The following CEP131 variants were observed in gnomAD, a reference collection of about 807,000 sequenced individuals.
The protein encoded by CEP131 is centrosomal protein 131.
In CEP131, 99 loss-of-function variants were observed where a neutral mutation model predicts 136.8. The ratio of observed to expected loss-of-function variants is 0.72; its 90% CI spans 0.62 to 0.86. The LOEUF is 0.86. Ranked by LOEUF, CEP131 falls within the 40% of genes least tolerant of loss-of-function variation. The pLI is 0.00. For synonymous variants in CEP131, 646 were observed against 612.7 expected (o/e 1.05, Z -0.80); for missense variants, 1,459 against 1,463.0 (o/e 1.00, Z 0.04).
Position 81,219,954 on chromosome 17 carries a change from T to C in CEP131, c.103A>G (p.Ser35Gly), listed in dbSNP as rs766255571. The C allele has an allele frequency of 3.2e-5, 51 of 1,612,146 alleles. No individual in the cohort carries two copies. In the South Asian group the frequency reaches 5.0e-4, roughly 16 times the overall value. ...LPPPVSRRPG[S>G]AATTKPIVRS... ...ACGATGGGCTTGGTGGTGGCGGCACTGCCAGGACGCCGGGACACAGGCGGA... is the reference window on the plus strand; with the variant it reads ...ACGATGGGCTTGGTGGTGGCGGCACCGCCAGGACGCCGGGACACAGGCGGA... The change falls in exon 2 of 26, where the codon AGT becomes GGT. Residue 35 changes from serine (S) to glycine (G), a missense_variant. By Grantham distance (56) the Ser-to-Gly change is moderately conservative. Coordinates refer to ENST00000450824, the MANE Select transcript of CEP131 (RefSeq NM_014984.4). The surrounding 1 kb of genome is among the most constrained non-coding windows in gnomAD (Gnocchi z 4.0).
chr17:81,209,129 C>T, intron 2 of CEP131, 107 bp from the exon 3 acceptor site: 1 of 834,970 alleles, frequency 1.2e-6, no homozygotes, highest in Non-Finnish European at 1.9e-6. Context: ...GAGGGGTGGC[C>T]CTAGGGTTAC....
At position 81,196,806 on chromosome 17, in the gene CEP131, C is replaced by T. The variant is rs770203079; in HGVS notation, c.1794G>A (p.Thr598=). The T allele has an allele frequency of 3.5e-5, 55 of 1,592,150 alleles. No individual in the cohort carries two copies. The highest frequency in any genetic ancestry group is 1.4e-4 in the East Asian group (6 of 43,986). ...QRALAQQRDL[T]ARRVKETEKA... Reference sequence around the variant, plus strand: ...TCTCTGTCTCCTTGACCCGCCGGGCCGTGAGGTCTCGCTGCTGCGCCTGCA... The same window carrying T: ...TCTCTGTCTCCTTGACCCGCCGGGCTGTGAGGTCTCGCTGCTGCGCCTGCA... The change falls in exon 15 of 26, where the codon ACG becomes ACA. Residue 598 remains threonine (T), a synonymous_variant. Coordinates refer to ENST00000450824, the MANE Select transcript of CEP131 (RefSeq NM_014984.4).
intron 17 of CEP131, among the ~76,000 whole-genome samples, 159 bp from the exon 18 acceptor site, chr17:81,194,286 G>A (rs947720702): frequency 6.6e-5 from 10 of 152,110 alleles, no homozygotes; most frequent in Admixed American, 2.0e-4. Context: ...TGACGCCCAC[G>A]AGGTGGGGAA....
At position 81,215,309 on chromosome 17, in the gene CEP131, C is replaced by G. The variant is rs1183655035; in HGVS notation, c.177+4571G>C. Reference sequence around the variant, plus strand: ...CAGGGGTCTCACTATGTTGCCCAGGCTGGTCTCAAACTCCTGGCCTCAAGT... The same window carrying G: ...CAGGGGTCTCACTATGTTGCCCAGGGTGGTCTCAAACTCCTGGCCTCAAGT... On this transcript the variant is annotated intron_variant, in intron 2 of 25. Coordinates refer to ENST00000450824, the MANE Select transcript of CEP131 (RefSeq NM_014984.4). The surrounding 1 kb of genome is among the most constrained non-coding windows in gnomAD (Gnocchi z 4.1). Among the ~76,000 whole-genome samples the G allele has an allele frequency of 6.6e-6, 1 of 151,836 alleles. No homozygotes were observed. The highest frequency in any genetic ancestry group is 1.5e-5 in the Non-Finnish European group (1 of 67,960).
At chr17:81,216,364 GA>G (rs901511914) in intron 2 of CEP131, among the ~76,000 whole-genome samples, 5 of 149,020 alleles carry the variant, frequency 3.4e-5, no homozygotes, top group East Asian at 2.0e-4. Context: ...TGTCTCAAAA[GA>G]AAAAAAAAAT....
At position 81,190,767 on chromosome 17, in the gene CEP131, C is replaced by T; in HGVS notation, c.2979G>A (p.Leu993=). The change falls in exon 24 of 26, where the codon CTG becomes CTA. Residue 993 remains leucine (L), a synonymous_variant. Transcript: ENST00000450824. ...CGAACTCCTGGCGGATCACCTGGGCCAGGTTGCTGCGCTCGCTAGAAAGCT... is the reference window on the plus strand; with the variant it reads ...CGAACTCCTGGCGGATCACCTGGGCTAGGTTGCTGCGCTCGCTAGAAAGCT... ...NEQLSSERSN[L]AQVIRQEFED... is the part of the protein sequence containing the mutation. The T allele has an allele frequency of 6.2e-7, 1 of 1,611,928 alleles. No homozygotes were observed. Among genetic ancestry groups the T allele is most frequent in the Non-Finnish European group, 8.5e-7 (1 of 1,179,498 alleles).
rs753478115 is a variant in CEP131 at position 81,200,351 on chromosome 17, T to A, written c.884A>T (p.His295Leu). ...GACCTCCCGCTTGGCCTGAAGCAAGTGCTCCAGGCGGGCAGCTCCTGCTCC... is the reference window on the plus strand; with the variant it reads ...GACCTCCCGCTTGGCCTGAAGCAAGAGCTCCAGGCGGGCAGCTCCTGCTCC... ...RRGAGAARLE[H>L]LLQAKREEQR... is the part of the protein sequence containing the mutation. The change falls in exon 8 of 26, where the codon CAC becomes CTC. Residue 295 changes from histidine to leucine, a missense_variant. His to Leu is a moderately conservative substitution (Grantham distance 99). Around this residue, in one of 3 missense-constraint regions of CEP131, gnomAD observed 246 missense variants for 318.9 expected, o/e 0.77. Coordinates refer to ENST00000450824, the MANE Select transcript of CEP131 (RefSeq NM_014984.4). 1 of 1,596,124 alleles carries A rather than the reference T, an allele frequency of 6.3e-7. No individual in the cohort carries two copies. The highest frequency in any genetic ancestry group is 8.5e-7 in the Non-Finnish European group (1 of 1,171,946).
intron 2 of CEP131, among the ~76,000 whole-genome samples, chr17:81,218,358 G>A (rs1159433944): frequency 6.6e-6 from 1 of 152,180 alleles, no homozygotes; most frequent in African/African-American, 2.4e-5. Flanking sequence ...CTGCGATTTC[G>A]AGTGCGTCTT....
chr17:81,214,733 G>A (rs562181886), intron 2 of CEP131, among the ~76,000 whole-genome samples: 2 of 152,114 alleles, frequency 1.3e-5, no homozygotes, highest in South Asian at 4.1e-4. Flanking sequence ...GTGACTTAGG[G>A]CAATGATCTT....
chr17:81,199,638 G>C, intron 9 of CEP131, 81 bp downstream of exon 9: 1 of 1,596,320 alleles, frequency 6.3e-7, no homozygotes, highest in Non-Finnish European at 8.5e-7. Context: ...AGTGTCCCGG[G>C]GCCCAGGGAG....
At chr17:81,205,931 T>C (rs2061999804) in intron 5 of CEP131, among the ~76,000 whole-genome samples, 1 of 152,062 alleles carries the variant, frequency 6.6e-6, no homozygotes, top group Non-Finnish European at 1.5e-5. Flanking sequence ...TTGAGCTGGG[T>C]GCAGTGGCTC....
intron 10 of CEP131, 32 bp from the exon 11 acceptor site, chr17:81,199,003 G>T: frequency 6.7e-7 from 1 of 1,483,958 alleles, no homozygotes. Flanking sequence ...CATTCCACAG[G>T]GAGCATCCCG....
At position 81,206,870 on chromosome 17, in the gene CEP131, T is replaced by C. The variant is rs1414451940; in HGVS notation, c.389A>G (p.Asp130Gly). ...CAAGGTGAAGCCCCGGGGCTGGTCA[T>C]CCTGTCAGACAGCTCAGCCCATGAC... ...SEKGATWNVLDDQPRGFTLPS... is the reference protein window; with the variant it reads ...SEKGATWNVLGDQPRGFTLPS... Residue 130 changes from aspartate (D) to glycine (G), a missense_variant and splice_region_variant, in exon 5 of 26, where the codon GAT (aspartate) becomes GGT (glycine). Asp to Gly is a moderately conservative substitution (Grantham distance 94, BLOSUM62 -1). Coordinates refer to ENST00000450824, the MANE Select transcript of CEP131 (RefSeq NM_014984.4). 1 of 1,613,114 alleles carries C rather than the reference T, an allele frequency of 6.2e-7. No individual in the cohort carries two copies.
intron 13 of CEP131, 40 bp from the exon 14 acceptor site, chr17:81,197,095 A>G (rs990736302): frequency 6.4e-7 from 1 of 1,562,190 alleles, no homozygotes; most frequent in Non-Finnish European, 8.7e-7. Context: ...GCGGCAGAGG[A>G]CGGGGGGCAG....
rs1209489760 is a variant in CEP131 at position 81,203,617 on chromosome 17, C to T, written c.516-10G>A. 1 of 1,576,588 alleles carries T rather than the reference C, an allele frequency of 6.3e-7. No individual in the cohort carries two copies. Among genetic ancestry groups the T allele is most frequent in the Non-Finnish European group, 8.6e-7 (1 of 1,160,990 alleles). On this transcript the variant is annotated splice_polypyrimidine_tract_variant and intron_variant, in intron 5 of 25. Coordinates refer to ENST00000450824, the MANE Select transcript of CEP131 (RefSeq NM_014984.4). This position sits in a 1 kb window ranked among gnomAD's most constrained non-coding sequence, Gnocchi z 4.6. ...TGCTCCCTTGTTGCTCCTGCCAGGC[C>T]GGAAGAGAGACAGGAATGGTCAGGC...
Position 81,191,248 on chromosome 17 carries a change from G to A in CEP131, c.2710C>T (p.Leu904=). The A allele has an allele frequency of 6.2e-7, 1 of 1,613,480 alleles. No homozygotes were observed. The part of the protein sequence containing the change: ...DKEIELVIHR[L]EADMALAKEE... The stretch of plus-strand genomic sequence containing the variant: ...TTGGCCAGCGCCATGTCGGCCTCCA[G>A]CCGGTGAATGACCAGCTCAATCTCC... The change falls in exon 22 of 26, where the codon CTG becomes TTG. Residue 904 remains leucine, a synonymous_variant. Coordinates refer to ENST00000450824, the MANE Select transcript of CEP131 (RefSeq NM_014984.4).
Position 81,195,900 on chromosome 17 carries a change from C to T in CEP131, c.1951G>A (p.Glu651Lys), listed in dbSNP as rs752074716. The T allele has an allele frequency of 3.6e-5, 58 of 1,609,800 alleles. No homozygotes were observed. The highest frequency in any genetic ancestry group is 1.8e-4 in the Admixed American group (11 of 59,974). Residue 651 changes from glutamate (E) to lysine (K), a missense_variant, in exon 16 of 26, where the codon GAG becomes AAG. Physicochemically the swap from Glu to Lys is moderately conservative, Grantham distance 56. Transcript: ENST00000450824. ...CATCTCTGGTCCTCCTGCTTCAGCTCGGCCACCACAGCCTCGCACTTTTCA... is the reference window on the plus strand; with the variant it reads ...CATCTCTGGTCCTCCTGCTTCAGCTTGGCCACCACAGCCTCGCACTTTTCA... ...LSEKCEAVVA[E>K]LKQEDQRCTE...
intron 2 of CEP131, among the ~76,000 whole-genome samples, chr17:81,213,404 C>A (rs1371486491): frequency 1.3e-5 from 2 of 151,988 alleles, no homozygotes; most frequent in Admixed American, 6.6e-5. Flanking sequence ...TACTGAAATA[C>A]AAAAATTAGT....
intron 2 of CEP131, among the ~76,000 whole-genome samples, chr17:81,213,175 G>A (rs2062171759): frequency 6.6e-6 from 1 of 152,242 alleles, no homozygotes; most frequent in African/African-American, 2.4e-5. Context: ...CTGTGACAAT[G>A]AGAGCAACAA....
Sources: gnomAD v4.1 joint callset for allele counts (sites outside exome capture counted in the v4.1 genomes callset) on GRCh38, gnomAD v4.1.1 for gene constraint, gnomAD v4.1.1 regional missense constraint, Gnocchi (gnomAD v3.1) non-coding constraint, MANE v1.5 for transcripts, NCBI Gene and HGNC (gene_info 2026-07-23, HGNC 2026-07-21) for gene names.